DENR: variants seen among roughly 807,000 people sequenced by gnomAD.
The protein encoded by DENR is density regulated re-initiation and release factor, also known as density-regulated protein.
DENR carries 6 observed loss-of-function variants against 30.6 expected under a neutral mutation model. The observed-to-expected ratio is 0.20, with a 90% confidence interval of 0.11 to 0.39. The LOEUF (loss-of-function observed/expected upper bound fraction) is 0.39, where lower values mean the gene tolerates loss of function less well. Among genes scored for constraint, DENR ranks in the 10% least tolerant of loss-of-function variants. DENR has a pLI of 1.00. For missense variants in DENR, 141 were observed against 230.9 expected (o/e 0.61, Z 2.52); for synonymous variants, 78 against 72.1 (o/e 1.08, Z -0.41).
intron 2 of DENR, among the ~76,000 whole-genome samples, chr12:122,755,633 A>G (rs979919679): frequency 1.3e-5 from 2 of 152,224 alleles, no homozygotes; most frequent in African/African-American, 4.8e-5. Context: ...TTATTTTAAC[A>G]AGATGCTCAG....
intron 4 of DENR, 113 bp downstream of exon 4, chr12:122,763,042 T>C: frequency 1.5e-6 from 1 of 647,380 alleles, no homozygotes. Context: ...AGAATTAACA[T>C]TTATCTGTTA....
chr12:122,753,754 G>C lies in DENR; in HGVS notation c.53G>C (p.Arg18Thr). The C allele has an allele frequency of 6.2e-7, 1 of 1,614,022 alleles. No homozygotes were observed. ...SSGADCKGDP[R>T]NSAKLDADYP... ...GGGGCTGACTGCAAAGGAGACCCAA[G>C]GAACAGTGCCAAGTTAGATGCCGAT... The change falls in exon 2 of 8, where the codon AGG becomes ACG. Residue 18 changes from arginine (R) to threonine (T), a missense_variant. Arg to Thr is a moderately conservative substitution (Grantham distance 71, BLOSUM62 -1). This residue lies in a region of DENR where 104 missense variants were observed against 138.3 expected (regional missense o/e 0.75). Transcript: ENST00000280557.
chr12:122,762,219 A>T lies in DENR; in HGVS notation c.126+13A>T, dbSNP rs910807221. On this transcript the variant is annotated intron_variant, in intron 3 of 7. Transcript: ENST00000280557. ...ATTACCAACAGAGGTAAGTTCTTTA[A>T]TTTTTTTTTTTACCTTATGTATTTG... 1.2e-5 allele frequency: 14 copies of T among 1,176,204 alleles called. No individual in the cohort carries two copies. Among genetic ancestry groups the T allele is most frequent in the South Asian group, 3.4e-5 (2 of 58,774 alleles). The allele number at this position is 1,176,204 out of a possible 1,614,324, so 72.9% of individuals were successfully genotyped here.
At chr12:122,765,872 TCTC>T (rs1878834198) in intron 5 of DENR, among the ~76,000 whole-genome samples, 2 of 152,214 alleles carry the variant, frequency 1.3e-5, no homozygotes, top group South Asian at 2.1e-4. Flanking sequence ...AATTTTATCT[TCTC>T]ATTACTTCTG....
intron 2 of DENR, among the ~76,000 whole-genome samples, chr12:122,755,529 A>C (rs1166581783): frequency 3.3e-5 from 5 of 152,224 alleles, no homozygotes; most frequent in Admixed American, 1.3e-4. Context: ...CAGTGAGCCG[A>C]GATCACGCCA....
At chr12:122,759,908 G>C (rs973823962) in intron 2 of DENR, among the ~76,000 whole-genome samples, 1 of 152,172 alleles carries the variant, frequency 6.6e-6, no homozygotes, top group African/African-American at 2.4e-5. Context: ...GAGATCTTTG[G>C]TGGAAATAAC....
At chr12:122,762,057 G>A (rs1878714781) in intron 2 of DENR, 130 bp from the exon 3 acceptor site, 1 of 542,504 alleles carries the variant, frequency 1.8e-6, no homozygotes, top group Admixed American at 3.9e-5. Flanking sequence ...TTTGAAAAGT[G>A]GTATAGAAAA....
intron 5 of DENR, among the ~76,000 whole-genome samples, chr12:122,765,902 CTT>C (rs1373002057): frequency 1.3e-5 from 2 of 152,112 alleles, no homozygotes; most frequent in Admixed American, 6.6e-5. Flanking sequence ...CAGTTGAAAA[CTT>C]TGTTTTACGG....
At position 122,762,637 on chromosome 12, in the gene DENR, A is replaced by C. The variant is rs868220654; in HGVS notation, c.127-208A>C. Reference sequence around the variant, plus strand: ...ATAGAGGGAGAAGAAATAAATTGGTACTGTGAAGAGGTACCTAATCCTTCT... The same window carrying C: ...ATAGAGGGAGAAGAAATAAATTGGTCCTGTGAAGAGGTACCTAATCCTTCT... On this transcript the variant is annotated intron_variant, in intron 3 of 7. Coordinates refer to ENST00000280557, the MANE Select transcript of DENR (RefSeq NM_003677.5). 3.3e-5 allele frequency among the ~76,000 whole-genome samples: 5 copies of C among 152,242 alleles called. No individual in the cohort carries two copies. The South Asian group carries it at 1.0e-3, about 31-fold the overall frequency.
intron 1 of DENR, among the ~76,000 whole-genome samples, chr12:122,753,227 C>G (rs896223266): frequency 1.3e-5 from 2 of 152,032 alleles, no homozygotes; most frequent in African/African-American, 4.8e-5. Flanking sequence ...CCCCAGGCCC[C>G]TCTCATGGCG....
chr12:122,757,612 T>C (rs189594996), intron 2 of DENR, among the ~76,000 whole-genome samples: 595 of 152,322 alleles, frequency 3.9e-3, no homozygotes, highest in Non-Finnish European at 6.4e-3. Flanking sequence ...CAAGCCATTA[T>C]AACATCAGCT....
At chr12:122,753,128 C>T (rs1036981664) in intron 1 of DENR, among the ~76,000 whole-genome samples, 178 bp downstream of exon 1, 2 of 152,242 alleles carry the variant, frequency 1.3e-5, no homozygotes, top group South Asian at 2.1e-4. Flanking sequence ...CCCTTGTCCC[C>T]TCAGTGCTCT....
chr12:122,766,843 G>T (rs1441069869), intron 5 of DENR, among the ~76,000 whole-genome samples: 4 of 151,948 alleles, frequency 2.6e-5, no homozygotes, highest in African/African-American at 9.7e-5. Flanking sequence ...CCTCTGTAGG[G>T]GCCTTTCTAT....
intron 4 of DENR, 127 bp downstream of exon 4, chr12:122,763,056 G>GT: frequency 1.6e-6 from 1 of 620,026 alleles, no homozygotes; most frequent in Non-Finnish European, 2.8e-6. Context: ...TCTGTTAGCT[G>GT]TTTAAGTTCT....
intron 2 of DENR, among the ~76,000 whole-genome samples, chr12:122,758,224 A>T (rs760661708): frequency 9.2e-5 from 14 of 152,176 alleles, no homozygotes; most frequent in Middle Eastern, 3.4e-3. Flanking sequence ...GGCGCCTGCC[A>T]CCGTGCCTGG....
At chr12:122,756,429 G>A (rs1309644739) in intron 2 of DENR, among the ~76,000 whole-genome samples, 1 of 152,078 alleles carries the variant, frequency 6.6e-6, no homozygotes, top group South Asian at 2.1e-4. Flanking sequence ...GCCTTTGAGA[G>A]CAAAACTCCA....
intron 2 of DENR, among the ~76,000 whole-genome samples, chr12:122,756,928 T>C (rs900868194): frequency 2.6e-5 from 4 of 152,084 alleles, no homozygotes; most frequent in Admixed American, 1.3e-4. Flanking sequence ...TTTAAATGAG[T>C]GGCATAAGTG....
chr12:122,758,845 TATTTATTTA>T (rs1287671133), intron 2 of DENR, among the ~76,000 whole-genome samples: 5 of 55,972 alleles, frequency 8.9e-5, no homozygotes, highest in Admixed American at 2.9e-4. Flanking sequence ...CTTAATTTTT[TATTTATTTA>T]TTTTTTTTTT....
intron 2 of DENR, among the ~76,000 whole-genome samples, chr12:122,760,325 A>G (rs141087282): frequency 1.3e-5 from 2 of 152,364 alleles, no homozygotes; most frequent in East Asian, 3.9e-4. Context: ...TTTGGCACAT[A>G]CTAGGTGCCC....
Sources: gnomAD v4.1 joint callset for allele counts (sites outside exome capture counted in the v4.1 genomes callset) on GRCh38, gnomAD v4.1.1 for gene constraint, gnomAD v4.1.1 regional missense constraint, MANE v1.5 for transcripts, NCBI Gene and HGNC (gene_info 2026-07-23, HGNC 2026-07-21) for gene names.